TRIB2: variants seen among roughly 807,000 people sequenced by gnomAD.
TRIB2 encodes tribbles pseudokinase 2.
TRIB2 carries 2 observed loss-of-function variants against 26.8 expected under a neutral mutation model. The observed-to-expected ratio is 0.07, with a 90% CI of 0.03 to 0.24. The LOEUF is 0.24. Ranked by LOEUF, TRIB2 falls within the 10% of genes least tolerant of loss-of-function variation. The pLI, the probability that TRIB2 is intolerant of heterozygous loss-of-function variation, is 1.00. For missense variants in TRIB2, 306 were observed against 449.0 expected (o/e 0.68, Z 2.88); for synonymous variants, 189 against 187.3 (o/e 1.01, Z -0.08).
Position 12,718,405 on chromosome 2 carries a change from C to T in TRIB2, c.98C>T (p.Ala33Val). ...DFEELSSIRS[A>V]EPSQSFSPNL... is the part of the protein sequence containing the mutation. ...GAAGAGTTGTCGTCTATAAGGTCCG[C>T]GGAGCCCAGCCAGAGTTTCAGCCCG... The change falls in exon 1 of 3, where the codon GCG (alanine) becomes GTG (valine). Residue 33 changes from alanine (A) to valine (V), a missense_variant. Physicochemically the swap from Ala to Val is moderately conservative, Grantham distance 64. This residue lies in a region of TRIB2 where 99 missense variants were observed against 106.5 expected (regional missense o/e 0.93). Coordinates refer to ENST00000155926, the MANE Select transcript of TRIB2 (RefSeq NM_021643.4). This position sits in a 1 kb window ranked among gnomAD's most constrained non-coding sequence, Gnocchi z 4.0. The T allele has an allele frequency of 6.2e-7, 1 of 1,614,238 alleles. No homozygotes were observed. The highest frequency in any genetic ancestry group is 8.5e-7 in the Non-Finnish European group (1 of 1,180,038).
intron 2 of TRIB2, among the ~76,000 whole-genome samples, chr2:12,734,660 T>C (rs1661531510): frequency 6.6e-6 from 1 of 152,156 alleles, no homozygotes; most frequent in Non-Finnish European, 1.5e-5. Context: ...CAGTTAATTC[T>C]CACAAAAACT....
In TRIB2 at chr2:12,717,729, C is replaced by T. The variant is rs956121207; in HGVS notation, c.-579C>T. On this transcript the variant is annotated 5_prime_UTR_variant, in exon 1 of 3. Transcript: ENST00000155926. The surrounding 1 kb of genome is among the most constrained non-coding windows in gnomAD (Gnocchi z 4.8). ...CCGCACCCCCCCCTTACACGCCCCC[C>T]ACCCTTTCCACCAAAAAAAGGGGGT... The T allele has an allele frequency of 2.6e-6, 1 of 380,110 alleles. No individual in the cohort carries two copies. 23.5% of individuals were successfully genotyped at this position (380,110 alleles called of 1,614,324 possible).
chr2:12,730,794 A>G (rs1661436133), intron 2 of TRIB2, among the ~76,000 whole-genome samples: 1 of 152,200 alleles, frequency 6.6e-6, no homozygotes, highest in Admixed American at 6.5e-5. Context: ...CCATATTGAC[A>G]GTGGAATGCA....
Position 12,718,406 on chromosome 2 carries a change from G to A in TRIB2, c.99G>A (p.Ala33=), listed in dbSNP as rs752492245. The part of the protein sequence containing the change: ...DFEELSSIRS[A]EPSQSFSPNL... ...AAGAGTTGTCGTCTATAAGGTCCGC[G>A]GAGCCCAGCCAGAGTTTCAGCCCGA... The change falls in exon 1 of 3, where the codon GCG becomes GCA. Residue 33 remains alanine, a synonymous_variant. Coordinates refer to ENST00000155926, the MANE Select transcript of TRIB2 (RefSeq NM_021643.4). The surrounding 1 kb of genome is among the most constrained non-coding windows in gnomAD (Gnocchi z 4.0). 3 of 1,614,228 alleles carry A rather than the reference G, an allele frequency of 1.9e-6. No individual in the cohort carries two copies. The highest frequency in any genetic ancestry group is 2.5e-6 in the Non-Finnish European group (3 of 1,180,038).
rs1205440185 is a variant in TRIB2, at chr2:12,740,350, G to A, written c.588G>A (p.Leu196=). Residue 196 remains leucine, a synonymous_variant, in exon 3 of 3, where the codon CTG becomes CTA. Transcript: ENST00000155926. The surrounding 1 kb of genome is among the most constrained non-coding windows in gnomAD (Gnocchi z 5.8). ...EERTRVKLES[L]EDAYILRGDD... is the part of the protein sequence containing the mutation. ...GGACTCGGGTCAAGCTGGAAAGCCT[G>A]GAAGACGCCTACATTCTGCGGGGAG... is the stretch of plus-strand genomic sequence containing the variant. 2 of 1,613,942 alleles carry A rather than the reference G, an allele frequency of 1.2e-6. No homozygotes were observed. Among genetic ancestry groups the A allele is most frequent in the Non-Finnish European group, 1.7e-6 (2 of 1,179,818 alleles).
In TRIB2 at chr2:12,717,217, G is replaced by C. The variant is rs1464015706; in HGVS notation, c.-1091G>C. 2.5e-6 allele frequency: 1 copy of C among 396,840 alleles called. No homozygotes were observed. The highest frequency in any genetic ancestry group is 2.1e-5 in the African/African-American group (1 of 48,620). The allele number at this position is 396,840 out of a possible 1,614,324, so 24.6% of individuals were successfully genotyped here. On this transcript the variant is annotated 5_prime_UTR_variant, in exon 1 of 3. Coordinates refer to ENST00000155926, the MANE Select transcript of TRIB2 (RefSeq NM_021643.4). This position sits in a 1 kb window ranked among gnomAD's most constrained non-coding sequence, Gnocchi z 4.8. ...CCCCACCGGGCAATTTGGTCTCGGG[G>C]TAGGGGGAGACGGGGTGATTGCAAA...
rs142544661 is a variant in TRIB2 at position 12,718,548 on chromosome 2, C to A, written c.241C>A (p.Leu81Met). The change falls in exon 1 of 3, where the codon CTG (leucine) becomes ATG (methionine). Residue 81 changes from leucine to methionine, a missense_variant. Coordinates refer to ENST00000155926, the MANE Select transcript of TRIB2 (RefSeq NM_021643.4). The surrounding 1 kb of genome is among the most constrained non-coding windows in gnomAD (Gnocchi z 4.0). Reference protein sequence around the residue: ...EGDHVFRAVHLHSGEELVCKV... With the variant: ...EGDHVFRAVHMHSGEELVCKV... ...AGACCACGTTTTTCGTGCCGTGCAT[C>A]TGCACAGCGGAGAGGAGCTGGTGTG... 3 of 1,614,034 alleles carry A rather than the reference C, an allele frequency of 1.9e-6. No individual in the cohort carries two copies. The highest frequency in any genetic ancestry group is 2.5e-6 in the Non-Finnish European group (3 of 1,180,010).
Position 12,718,670 on chromosome 2 carries a change from G to A in TRIB2, c.270+93G>A. On this transcript the variant is annotated intron_variant, in intron 1 of 2. Transcript: ENST00000155926. This position sits in a 1 kb window ranked among gnomAD's most constrained non-coding sequence, Gnocchi z 4.0. ...TCGAGTCTGGGAGAGGGAGATTCGCGGGATAATTACCGTGGCCTTATTAAA... is the reference window on the plus strand; with the variant it reads ...TCGAGTCTGGGAGAGGGAGATTCGCAGGATAATTACCGTGGCCTTATTAAA... The A allele has an allele frequency of 6.7e-7, 1 of 1,485,790 alleles. No homozygotes were observed. Among genetic ancestry groups the A allele is most frequent in the South Asian group, 1.3e-5 (1 of 77,626 alleles). 92.0% of individuals were successfully genotyped at this position (1,485,790 alleles called of 1,614,324 possible). A position where few individuals can be genotyped will look rare whatever the true frequency, so the allele number is the denominator to read the frequency against.
At chr2:12,729,550 C>T (rs1180833006) in intron 2 of TRIB2, among the ~76,000 whole-genome samples, 7 of 152,160 alleles carry the variant, frequency 4.6e-5, no homozygotes, top group Non-Finnish European at 1.0e-4. Flanking sequence ...CATCATTTCC[C>T]TTTTAATTTA....
rs1666625956 is a variant in TRIB2, at chr2:12,717,745, A to T, written c.-563A>T. Reference sequence around the variant, plus strand: ...CACGCCCCCCACCCTTTCCACCAAAAAAAGGGGGTGCAGCGCGGATTCTGG... The same window carrying T: ...CACGCCCCCCACCCTTTCCACCAAATAAAGGGGGTGCAGCGCGGATTCTGG... On this transcript the variant is annotated 5_prime_UTR_variant, in exon 1 of 3. Transcript: ENST00000155926. The surrounding 1 kb of genome is among the most constrained non-coding windows in gnomAD (Gnocchi z 4.8). The T allele has an allele frequency of 2.8e-6, 1 of 361,320 alleles. No homozygotes were observed. The highest frequency in any genetic ancestry group is 2.1e-5 in the African/African-American group (1 of 47,474). The allele number at this position is 361,320 out of a possible 1,614,324, so 22.4% of individuals were successfully genotyped here. A position where few individuals can be genotyped will look rare whatever the true frequency, so the allele number is the denominator to read the frequency against.
chr2:12,719,064 G>T lies in TRIB2; in HGVS notation c.270+487G>T, dbSNP rs190073735. On this transcript the variant is annotated intron_variant, in intron 1 of 2. Coordinates refer to ENST00000155926, the MANE Select transcript of TRIB2 (RefSeq NM_021643.4). Reference sequence around the variant, plus strand: ...CCCTTTAAAACAGACACACAAAGGTGCCCCCTTCGGCTGAGCCCAGGGGCC... The same window carrying T: ...CCCTTTAAAACAGACACACAAAGGTTCCCCCTTCGGCTGAGCCCAGGGGCC... 2.5e-3 allele frequency among the ~76,000 whole-genome samples: 380 copies of T among 152,264 alleles called. 2 individuals carry two copies. Among genetic ancestry groups the T allele is most frequent in the African/African-American group, 8.5e-3 (355 of 41,556 alleles).
In TRIB2 at chr2:12,717,741, C is replaced by CA. The variant is rs1250698930; in HGVS notation, c.-560dup. On this transcript the variant is annotated 5_prime_UTR_variant, in exon 1 of 3. Transcript: ENST00000155926. This position sits in a 1 kb window ranked among gnomAD's most constrained non-coding sequence, Gnocchi z 4.8. ...CTTACACGCCCCCCACCCTTTCCAC[C>CA]AAAAAAAGGGGGTGCAGCGCGGATT... The CA allele has an allele frequency of 5.4e-6, 2 of 371,428 alleles. No homozygotes were observed. The highest frequency in any genetic ancestry group is 9.5e-6 in the Non-Finnish European group (2 of 209,688). The allele number at this position is 371,428 out of a possible 1,614,324, so 23.0% of individuals were successfully genotyped here.
chr2:12,722,291 G>A (rs147497665), intron 1 of TRIB2, among the ~76,000 whole-genome samples: 10 of 152,284 alleles, frequency 6.6e-5, no homozygotes, highest in Admixed American at 1.3e-4. Flanking sequence ...GCTTTCCAGC[G>A]AAGCTCACCC....
chr2:12,719,259 C>T (rs1399418747), intron 1 of TRIB2, among the ~76,000 whole-genome samples: 2 of 152,072 alleles, frequency 1.3e-5, no homozygotes, highest in African/African-American at 2.4e-5. Context: ...TCTGCTCATC[C>T]CCTCTCTTCC....
At chr2:12,734,590 C>A (rs1661530329) in intron 2 of TRIB2, among the ~76,000 whole-genome samples, 1 of 152,086 alleles carries the variant, frequency 6.6e-6, no homozygotes, top group South Asian at 2.1e-4. Flanking sequence ...ATTGTTGCCC[C>A]CAGTTTTTTG....
chr2:12,738,803 C>T, intron 2 of TRIB2, among the ~76,000 whole-genome samples: 1 of 152,260 alleles, frequency 6.6e-6, no homozygotes, highest in East Asian at 1.9e-4. Flanking sequence ...CATCCTGGCC[C>T]TCACAGTAGA....
rs1182370593 is a variant in TRIB2 at position 12,741,831 on chromosome 2, A to G, written c.*1037A>G. 6.5e-6 allele frequency: 1 copy of G among 152,696 alleles called. No homozygotes were observed. Among genetic ancestry groups the G allele is most frequent in the African/African-American group, 2.4e-5 (1 of 41,468 alleles). The allele number at this position is 152,696 out of a possible 1,614,324, so 9.5% of individuals were successfully genotyped here. A position where few individuals can be genotyped will look rare whatever the true frequency, so the allele number is the denominator to read the frequency against. On this transcript the variant is annotated 3_prime_UTR_variant, in exon 3 of 3. Transcript: ENST00000155926. ...TATTTAGTTTTCTTTACAGAGAATGATCCTTTTAAGGCTTGTAAGGCCCTC... is the reference window on the plus strand; with the variant it reads ...TATTTAGTTTTCTTTACAGAGAATGGTCCTTTTAAGGCTTGTAAGGCCCTC...
At chr2:12,722,577 T>C (rs1433916549) in intron 1 of TRIB2, among the ~76,000 whole-genome samples, 2 of 152,216 alleles carry the variant, frequency 1.3e-5, no homozygotes, top group South Asian at 4.1e-4. Flanking sequence ...TAGAAAATCA[T>C]TGCATAACTG....
intron 1 of TRIB2, among the ~76,000 whole-genome samples, chr2:12,721,250 T>C (rs1661209889): frequency 6.6e-6 from 1 of 152,234 alleles, no homozygotes; most frequent in South Asian, 2.1e-4. Context: ...AATATGTTAG[T>C]TTTTTAAAAA....
Sources: allele counts gnomAD v4.1 joint callset (sites outside exome capture counted in the v4.1 genomes callset), GRCh38; gene constraint gnomAD v4.1.1; regional missense constraint gnomAD v4.1.1; non-coding constraint Gnocchi (gnomAD v3.1); transcripts MANE v1.5; gene names NCBI Gene and HGNC (gene_info 2026-07-23, HGNC 2026-07-21).